RALYL: variants seen among roughly 807,000 people sequenced by gnomAD.
RALYL encodes the protein RNA-binding Raly-like protein.
RALYL carries 29 observed loss-of-function variants against 35.1 expected under a neutral mutation model. The ratio of observed to expected loss-of-function variants is 0.83; its 90% confidence interval spans 0.61 to 1.13. The LOEUF (loss-of-function observed/expected upper bound fraction) is 1.13, where lower values mean the gene tolerates loss of function less well. Among genes scored for constraint, RALYL ranks in the 50% most tolerant of loss-of-function variants. The probability of loss-of-function intolerance (pLI) is 0.00; values close to 1 mark genes in which losing one functional copy is unlikely to be tolerated. For missense variants in RALYL, 359 were observed against 360.4 expected (o/e 1.00, Z 0.03); for synonymous variants, 120 against 127.6 (o/e 0.94, Z 0.40).
At chr8:84,357,877 GA>G in intron 1 of RALYL, among the ~76,000 whole-genome samples, 1 of 150,074 alleles carries the variant, frequency 6.7e-6, no homozygotes, top group Non-Finnish European at 1.5e-5. Flanking sequence ...GCTTACCTGA[GA>G]AAAAATAAAT....
chr8:84,481,164 A>T lies in RALYL; in HGVS notation c.-23-48135A>T, dbSNP rs1398004187. On this transcript the variant is annotated intron_variant, in intron 1 of 8. Coordinates refer to ENST00000521268, the MANE Select transcript of RALYL (RefSeq NM_173848.7). The stretch of plus-strand genomic sequence containing the variant: ...CTGAGAACAGGTCAATTTTTAAGAG[A>T]TGATTAATGACTTTTATAAATTACG... 2.6e-5 allele frequency among the ~76,000 whole-genome samples: 4 copies of T among 152,156 alleles called. No individual in the cohort carries two copies. In the East Asian group the frequency reaches 7.7e-4, roughly 29 times the overall value.
chr8:84,263,859 G>A (rs1347401826), intron 1 of RALYL, among the ~76,000 whole-genome samples: 2 of 152,164 alleles, frequency 1.3e-5, no homozygotes, highest in Non-Finnish European at 2.9e-5. Context: ...GTGAGAACAT[G>A]TGGTGTTTGG....
chr8:84,617,375 A>C (rs935606629), intron 2 of RALYL, among the ~76,000 whole-genome samples: 1 of 149,928 alleles, frequency 6.7e-6, no homozygotes, highest in Non-Finnish European at 1.5e-5. Flanking sequence ...GAGTTCACTC[A>C]TGATTTGGCT....
chr8:84,550,808 TTTC>T (rs1326001477), intron 2 of RALYL, among the ~76,000 whole-genome samples: 2 of 151,890 alleles, frequency 1.3e-5, no homozygotes, highest in Non-Finnish European at 2.9e-5. Context: ...GTTTTCCAAA[TTTC>T]TTAGTGAATT....
At chr8:84,691,705 G>C (rs1033587776) in intron 2 of RALYL, among the ~76,000 whole-genome samples, 1 of 151,932 alleles carries the variant, frequency 6.6e-6, no homozygotes, top group African/African-American at 2.4e-5. Flanking sequence ...CAATAGAAGA[G>C]AGTGAGTCCC....
intron 1 of RALYL, among the ~76,000 whole-genome samples, chr8:84,350,216 GCTTTATTC>G (rs1850640586): frequency 6.7e-6 from 1 of 150,296 alleles, no homozygotes; most frequent in Non-Finnish European, 1.5e-5. Context: ...TAGGCCTATA[GCTTTATTC>G]CCCCACATAC....
At chr8:84,311,872 A>G (rs917086973) in intron 1 of RALYL, among the ~76,000 whole-genome samples, 2 of 152,192 alleles carry the variant, frequency 1.3e-5, no homozygotes, top group East Asian at 1.9e-4. Context: ...GAACAAATAC[A>G]TCAAGGAATT....
At position 84,587,358 on chromosome 8, in the gene RALYL, T is replaced by C. The variant is rs541950266; in HGVS notation, c.256+57781T>C. On this transcript the variant is annotated intron_variant, in intron 2 of 8. Coordinates refer to ENST00000521268, the MANE Select transcript of RALYL (RefSeq NM_173848.7). ...TCCCTTTACAATGATCATATTGAGT[T>C]TCACATTGCTTTATCTTATGTATTA... Among the ~76,000 whole-genome samples, 3 of 152,344 alleles carry C rather than the reference T, an allele frequency of 2.0e-5. No individual in the cohort carries two copies. The East Asian group carries it at 5.8e-4, about 29-fold the overall frequency.
intron 2 of RALYL, among the ~76,000 whole-genome samples, chr8:84,584,513 G>C (rs1229165698): frequency 6.6e-6 from 1 of 151,550 alleles, no homozygotes; most frequent in Non-Finnish European, 1.5e-5. Context: ...TGAGGAAGGA[G>C]AATCACTTGA....
chr8:84,470,058 G>A (rs1304442473), intron 1 of RALYL, among the ~76,000 whole-genome samples: 1 of 152,176 alleles, frequency 6.6e-6, no homozygotes, highest in Non-Finnish European at 1.5e-5. Context: ...CTAGTGAGAT[G>A]CACCCGGTAC....
chr8:84,741,365 T>G (rs1807258410), intron 2 of RALYL, among the ~76,000 whole-genome samples: 1 of 152,026 alleles, frequency 6.6e-6, no homozygotes, highest in Non-Finnish European at 1.5e-5. Context: ...TGTGCTGCTG[T>G]AACAAATACC....
At chr8:84,624,729 C>T (rs919179991) in intron 2 of RALYL, among the ~76,000 whole-genome samples, 2 of 152,160 alleles carry the variant, frequency 1.3e-5, no homozygotes, top group Non-Finnish European at 2.9e-5. Flanking sequence ...GTCTGCCTAC[C>T]ACACTTGTTT....
intron 1 of RALYL, among the ~76,000 whole-genome samples, chr8:84,267,924 T>C (rs1000098788): frequency 6.6e-6 from 1 of 152,216 alleles, no homozygotes; most frequent in Non-Finnish European, 1.5e-5. Context: ...CTAGATTCAG[T>C]ATCAGGCAGT....
At chr8:84,355,456 A>G (rs1234725121) in intron 1 of RALYL, among the ~76,000 whole-genome samples, 2 of 150,652 alleles carry the variant, frequency 1.3e-5, no homozygotes, top group Non-Finnish European at 3.0e-5. Context: ...GTTTGTATGT[A>G]GGAATGGAGA....
intron 6 of RALYL, among the ~76,000 whole-genome samples, chr8:84,869,913 C>G (rs1284303015): frequency 6.6e-6 from 1 of 152,102 alleles, no homozygotes; most frequent in Non-Finnish European, 1.5e-5. Context: ...GCAGAAGGCA[C>G]AATCATTTTG....
intron 6 of RALYL, among the ~76,000 whole-genome samples, chr8:84,870,615 G>T (rs998965807): frequency 3.3e-5 from 5 of 151,296 alleles, no homozygotes; most frequent in Admixed American, 6.6e-5. Context: ...AACTACTAGA[G>T]AATAGTAAGC....
intron 3 of RALYL, among the ~76,000 whole-genome samples, chr8:84,803,956 A>G (rs1341539781): frequency 6.6e-6 from 1 of 152,216 alleles, no homozygotes; most frequent in Non-Finnish European, 1.5e-5. Context: ...TAAGAAACCT[A>G]TAATGAAACT....
chr8:84,594,705 GA>G (rs1814075815), intron 2 of RALYL, among the ~76,000 whole-genome samples: 1 of 152,054 alleles, frequency 6.6e-6, no homozygotes, highest in Non-Finnish European at 1.5e-5. Context: ...TAGGAAAGGA[GA>G]CATTTTCATG....
chr8:84,579,537 A>G (rs1810352120), intron 2 of RALYL, among the ~76,000 whole-genome samples: 3 of 152,208 alleles, frequency 2.0e-5, no homozygotes, highest in African/African-American at 7.2e-5. Flanking sequence ...TGCACCCTGC[A>G]TCTTAGTAAT....
Sources: allele counts gnomAD v4.1 joint callset (sites outside exome capture counted in the v4.1 genomes callset), GRCh38; gene constraint gnomAD v4.1.1; transcripts MANE v1.5; gene names NCBI Gene and HGNC (gene_info 2026-07-23, HGNC 2026-07-21).